PTBP3: variants seen among roughly 807,000 people sequenced by gnomAD.
The protein encoded by PTBP3 is polypyrimidine tract binding protein 3, also known as polypyrimidine tract-binding protein 3.
PTBP3 carries 20 observed loss-of-function variants against 58.7 expected under a neutral mutation model. The ratio of observed to expected loss-of-function variants is 0.34; its 90% CI spans 0.24 to 0.50. The LOEUF is 0.50. Among genes scored for constraint, PTBP3 ranks in the 20% least tolerant of loss-of-function variants. PTBP3 has a pLI of 0.98. For synonymous variants in PTBP3, 185 were observed against 219.8 expected, an observed-to-expected ratio of 0.84 and a Z score of 1.40; for missense variants, 509 against 637.2, an observed-to-expected ratio of 0.80 and a Z score of 2.17.
At chr9:112,341,866 T>C in the PTBP3 span, among the ~76,000 whole-genome samples, 2 of 152,210 alleles carry the variant, frequency 1.3e-5, no homozygotes, top group Non-Finnish European at 2.9e-5. Flanking sequence ...TGAATTCCTT[T>C]AGAATGACTA....
At chr9:112,301,427 G>T (rs1370373899) in intron 1 of PTBP3, among the ~76,000 whole-genome samples, 1 of 147,534 alleles carries the variant, frequency 6.8e-6, no homozygotes, top group Non-Finnish European at 1.5e-5. Context: ...AGACACTCTG[G>T]AAAGTAGTTT....
chr9:112,318,917 C>T (rs756543426), intron 1 of PTBP3, among the ~76,000 whole-genome samples: 8 of 151,972 alleles, frequency 5.3e-5, no homozygotes, highest in Middle Eastern at 3.2e-3. Flanking sequence ...CACCTGAGGT[C>T]GGGAGTTCAA....
At chr9:112,265,563 T>C (rs1836767690) in intron 4 of PTBP3, among the ~76,000 whole-genome samples, 1 of 151,962 alleles carries the variant, frequency 6.6e-6, no homozygotes, top group South Asian at 2.1e-4. Flanking sequence ...AATTAAGCCT[T>C]AGGGCACAGA....
At chr9:112,342,754 G>GAAGAAGAAGAAGAAGAA in the PTBP3 span, among the ~76,000 whole-genome samples, 1 of 85,628 alleles carries the variant, frequency 1.2e-5, no homozygotes, top group Non-Finnish European at 2.7e-5. Context: ...GAAGAAGAAA[G>GAAGAAGAAGAAGAAGAA]AGAGATTAAA....
At chr9:112,274,402 T>C (rs1051284641) in intron 3 of PTBP3, among the ~76,000 whole-genome samples, 1 of 152,220 alleles carries the variant, frequency 6.6e-6, no homozygotes, top group African/African-American at 2.4e-5. Flanking sequence ...ACCTAGGGCC[T>C]AGATTTGTTG....
intron 2 of PTBP3, among the ~76,000 whole-genome samples, chr9:112,284,322 A>T (rs968615999): frequency 6.6e-6 from 1 of 152,224 alleles, no homozygotes; most frequent in Admixed American, 6.5e-5. Flanking sequence ...AGATGCCCAA[A>T]GCCTTGGAAG....
chr9:112,237,762 C>T (rs1183915921), intron 7 of PTBP3, among the ~76,000 whole-genome samples: 1 of 152,112 alleles, frequency 6.6e-6, no homozygotes, highest in African/African-American at 2.4e-5. Context: ...ACTGCATTAA[C>T]CTATTAATAT....
intron 12 of PTBP3, among the ~76,000 whole-genome samples, chr9:112,226,161 G>A (rs887414670): frequency 3.3e-5 from 5 of 151,668 alleles, no homozygotes; most frequent in African/African-American, 9.7e-5. Context: ...TAAATTTCTC[G>A]GTCCATGTCA....
chr9:112,296,768 C>A (rs1053315927), intron 2 of PTBP3, among the ~76,000 whole-genome samples: 2 of 152,288 alleles, frequency 1.3e-5, no homozygotes, highest in East Asian at 3.9e-4. Context: ...GTTCTTCCTA[C>A]ATTCGAATAG....
intron 2 of PTBP3, among the ~76,000 whole-genome samples, chr9:112,283,056 T>C (rs1827946827): frequency 6.6e-6 from 1 of 152,254 alleles, no homozygotes; most frequent in Non-Finnish European, 1.5e-5. Context: ...GCCATGATTG[T>C]AAATTTCCTG....
chr9:112,365,717 CAGA>C, the PTBP3 span, among the ~76,000 whole-genome samples: 3 of 152,052 alleles, frequency 2.0e-5, no homozygotes, highest in East Asian at 1.9e-4. Context: ...TTGGAGGGCT[CAGA>C]AGAAGACAGG....
chr9:112,268,420 G>A (rs956688352), intron 3 of PTBP3, among the ~76,000 whole-genome samples: 2 of 152,144 alleles, frequency 1.3e-5, no homozygotes, highest in Admixed American at 6.5e-5. Flanking sequence ...GAAGCCAGGC[G>A]TGGTGGTTCA....
the PTBP3 span, among the ~76,000 whole-genome samples, chr9:112,361,739 A>C: frequency 6.6e-6 from 1 of 152,280 alleles, no homozygotes; most frequent in South Asian, 2.1e-4. Context: ...TTCGGTATAC[A>C]TACCAAAAAG....
intron 3 of PTBP3, among the ~76,000 whole-genome samples, chr9:112,273,322 T>C (rs1262930649): frequency 6.6e-6 from 1 of 152,220 alleles, no homozygotes; most frequent in Non-Finnish European, 1.5e-5. Context: ...AGTAATATAT[T>C]TTTTCTAATT....
the PTBP3 span, among the ~76,000 whole-genome samples, chr9:112,346,260 T>C: frequency 9.9e-5 from 15 of 151,802 alleles, no homozygotes; most frequent in Non-Finnish European, 2.2e-4. Context: ...CTTTGTCTCC[T>C]GGGTTCAAGC....
At chr9:112,294,319 C>A (rs1828574456) in intron 2 of PTBP3, among the ~76,000 whole-genome samples, 1 of 152,100 alleles carries the variant, frequency 6.6e-6, no homozygotes, top group Non-Finnish European at 1.5e-5. Context: ...GAGTTTGAGA[C>A]CAGCCTATGG....
intron 5 of PTBP3, among the ~76,000 whole-genome samples, chr9:112,257,109 C>G (rs1219051648): frequency 6.6e-6 from 1 of 152,160 alleles, no homozygotes; most frequent in African/African-American, 2.4e-5. Flanking sequence ...TAAAGCACAT[C>G]CTGGGACAGC....
chr9:112,336,129 C>T (rs1243995542), upstream of PTBP3, among the ~76,000 whole-genome samples: 1 of 152,104 alleles, frequency 6.6e-6, no homozygotes, highest in African/African-American at 2.4e-5. Flanking sequence ...CCACCTCGGC[C>T]TCCCAAAGTG....
At chr9:112,333,348 G>C (rs996950704) in intron 1 of PTBP3, 122 bp downstream of exon 1, 66 of 1,193,778 alleles carry the variant, frequency 5.5e-5, no homozygotes, top group Non-Finnish European at 7.1e-5. Context: ...GGCTTGGCCG[G>C]GGCCGCTCCT....
Sources: gnomAD v4.1 joint callset for allele counts (sites outside exome capture counted in the v4.1 genomes callset) on GRCh38, gnomAD v4.1.1 for gene constraint, MANE v1.5 for transcripts, NCBI Gene and HGNC (gene_info 2026-07-23, HGNC 2026-07-21) for gene names.